The following CHD2 variants were observed in gnomAD, a reference collection of about 807,000 sequenced individuals.
CHD2 encodes ATP-dependent chromatin remodeler CHD2.
CHD2 carries 28 observed loss-of-function variants against 243.9 expected under a neutral mutation model. The observed-to-expected ratio is 0.11, with a 90% CI of 0.09 to 0.16. CHD2 has a LOEUF of 0.16. Among genes scored for constraint, CHD2 ranks in the 10% least tolerant of loss-of-function variants. The pLI, the probability that CHD2 is intolerant of heterozygous loss-of-function variation, is 1.00. For synonymous variants in CHD2, 775 were observed against 779.0 expected, an observed-to-expected ratio of 0.99 and a Z score of 0.09; for missense variants, 1,386 against 2,209.8, an observed-to-expected ratio of 0.63 and a Z score of 7.47.
In CHD2 at chr15:93,026,248, T is replaced by C. The variant is rs1346289095; in HGVS notation, c.*1543T>C. 1 of 152,646 alleles carries C rather than the reference T, an allele frequency of 6.6e-6. No individual in the cohort carries two copies. The highest frequency in any genetic ancestry group is 6.5e-5 in the Admixed American group (1 of 15,280). 9.5% of individuals were successfully genotyped at this position (152,646 alleles called of 1,614,324 possible). A position where few individuals can be genotyped will look rare whatever the true frequency, so the allele number is the denominator to read the frequency against. Reference sequence around the variant, plus strand: ...TGTAAGTGTCCAGGCTCAGAGCTGGTGAAAACCCTTCTGTTGGGCGTGTGC... The same window carrying C: ...TGTAAGTGTCCAGGCTCAGAGCTGGCGAAAACCCTTCTGTTGGGCGTGTGC... On this transcript the variant is annotated 3_prime_UTR_variant, in exon 39 of 39. Transcript: ENST00000394196.
chr15:92,948,384 A>G (rs1380975275), intron 12 of CHD2, among the ~76,000 whole-genome samples: 1 of 152,174 alleles, frequency 6.6e-6, no homozygotes, highest in East Asian at 1.9e-4. Flanking sequence ...AATAGACAAG[A>G]CCTAAAGTGC....
chr15:93,020,117 A>G lies in CHD2; in HGVS notation c.5012A>G (p.Lys1671Arg). The G allele has an allele frequency of 6.2e-7, 1 of 1,614,162 alleles. No individual in the cohort carries two copies. Among genetic ancestry groups the G allele is most frequent in the Non-Finnish European group, 8.5e-7 (1 of 1,180,026 alleles). The change falls in exon 38 of 39, where the codon AAG becomes AGG. Residue 1671 changes from lysine (K) to arginine (R), a missense_variant. Lys to Arg is a conservative substitution (Grantham distance 26). Transcript: ENST00000394196. Reference sequence around the variant, plus strand: ...CATCAGTATGAGCAGCACTGGTACAAGGACCACCATTATGGGGACCGGCGA... The same window carrying G: ...CATCAGTATGAGCAGCACTGGTACAGGGACCACCATTATGGGGACCGGCGA... ...RHHQYEQHWY[K>R]DHHYGDRRHM...
Position 93,025,591 on chromosome 15 carries a change from G to C in CHD2, c.*886G>C, listed in dbSNP as rs2054580486. ...GGGGAGTAGTGTGGCCAGGGAACTG[G>C]AATCCCTGGTGGATTTCTGATTCCT... On this transcript the variant is annotated 3_prime_UTR_variant, in exon 39 of 39. Transcript: ENST00000394196. The C allele has an allele frequency of 6.6e-6, 1 of 152,668 alleles. No individual in the cohort carries two copies. The highest frequency in any genetic ancestry group is 1.5e-5 in the Non-Finnish European group (1 of 68,108). 9.5% of individuals were successfully genotyped at this position (152,668 alleles called of 1,614,324 possible).
Position 93,007,207 on chromosome 15 carries a change from G to A in CHD2, c.4414-1938G>A, listed in dbSNP as rs376810284. On this transcript the variant is annotated intron_variant, in intron 34 of 38. Transcript: ENST00000394196. Reference sequence around the variant, plus strand: ...TTGCTGACCAGCCTTAGAAACAGTTGTTAATTTCTGACTCAGTTAACAGTT... The same window carrying A: ...TTGCTGACCAGCCTTAGAAACAGTTATTAATTTCTGACTCAGTTAACAGTT... 5.9e-5 allele frequency among the ~76,000 whole-genome samples: 9 copies of A among 152,150 alleles called. No homozygotes were observed. In the East Asian group the frequency reaches 1.5e-3, roughly 26 times the overall value.
At chr15:92,905,104 A>G (rs768149555) in intron 2 of CHD2, 166 of 1,074,932 alleles carry the variant, frequency 1.5e-4, no homozygotes, top group Non-Finnish European at 2.1e-4. Flanking sequence ...AAAAAGTGGC[A>G]GAATACAGCG....
intron 16 of CHD2, among the ~76,000 whole-genome samples, chr15:92,959,003 G>A (rs2053651446): frequency 6.6e-6 from 1 of 152,170 alleles, no homozygotes; most frequent in African/African-American, 2.4e-5. Flanking sequence ...AGGAGCATCT[G>A]TATATAATTT....
chr15:92,976,435 G>A (rs1438249079), intron 20 of CHD2, among the ~76,000 whole-genome samples: 1 of 152,102 alleles, frequency 6.6e-6, no homozygotes. Context: ...TCTTTGGGGT[G>A]TATTTCCATT....
At chr15:93,002,348 C>T (rs750758338) in intron 33 of CHD2, 31 bp downstream of exon 33, 1 of 1,573,288 alleles carries the variant, frequency 6.4e-7, no homozygotes, top group Non-Finnish European at 8.6e-7. Flanking sequence ...ATGCAGATAT[C>T]CACAGCCTTT....
chr15:92,994,771 C>T lies in CHD2; in HGVS notation c.3595+1773C>T, dbSNP rs1012160069. On this transcript the variant is annotated intron_variant, in intron 28 of 38. Transcript: ENST00000394196. ...CTTTTCTGTGCTTGCTTTTTTATCT[C>T]ATAGTATCTTGTGGAGCTGTTTTCT... Among the ~76,000 whole-genome samples the T allele has an allele frequency of 2.6e-5, 4 of 152,202 alleles. No homozygotes were observed. The South Asian group carries it at 6.2e-4, about 24-fold the overall frequency.
chr15:92,930,049 G>T (rs979635011), intron 5 of CHD2, among the ~76,000 whole-genome samples: 1 of 152,110 alleles, frequency 6.6e-6, no homozygotes, highest in African/African-American at 2.4e-5. Flanking sequence ...CTGCTAGAGC[G>T]CATTCAGTTT....
At chr15:93,019,902 C>A (rs1037070444) in intron 37 of CHD2, 110 bp from the exon 38 acceptor site, 2 of 1,345,402 alleles carry the variant, frequency 1.5e-6, no homozygotes, top group African/African-American at 3.0e-5. Flanking sequence ...CACTGCACTC[C>A]AGCCTGGGCA....
intron 34 of CHD2, 102 bp downstream of exon 34, chr15:93,004,853 A>G (rs2054300204): frequency 1.6e-6 from 2 of 1,220,070 alleles, no homozygotes; most frequent in Non-Finnish European, 2.3e-6. Flanking sequence ...GCTAAGCAAT[A>G]GTACATTACT....
chr15:92,978,222 C>T lies in CHD2; in HGVS notation c.2578-12C>T. 2 of 1,614,058 alleles carry T rather than the reference C, an allele frequency of 1.2e-6. No homozygotes were observed. Among genetic ancestry groups the T allele is most frequent in the Non-Finnish European group, 8.5e-7 (1 of 1,179,996 alleles). On this transcript the variant is annotated splice_polypyrimidine_tract_variant and intron_variant, in intron 20 of 38. Coordinates refer to ENST00000394196, the MANE Select transcript of CHD2 (RefSeq NM_001271.4). Reference sequence around the variant, plus strand: ...GGCCACTGCATAAAGTAGTATATTGCATTGTGTACAGGACTTCTGTTTCCT... The same window carrying T: ...GGCCACTGCATAAAGTAGTATATTGTATTGTGTACAGGACTTCTGTTTCCT...
At chr15:92,945,796 T>G in intron 10 of CHD2, 25 bp from the exon 11 acceptor site, 1 of 1,487,682 alleles carries the variant, frequency 6.7e-7, no homozygotes, top group Non-Finnish European at 9.2e-7. Context: ...TTATAACTTT[T>G]CTGTCTTATT....
At chr15:93,024,121 A>T (rs1191372709) in intron 38 of CHD2, among the ~76,000 whole-genome samples, 1 of 151,024 alleles carries the variant, frequency 6.6e-6, no homozygotes, top group South Asian at 2.1e-4. Context: ...TCCTAAAGGG[A>T]GTGAGTTTGC....
chr15:93,020,174 G>A lies in CHD2; in HGVS notation c.5069G>A (p.Arg1690Gln), dbSNP rs564787975. Reference sequence around the variant, plus strand: ...GATGCCCACCGTTCCGGAAGCTATCGACCCAACAACATGTCCAGAAAGAGG... The same window carrying A: ...GATGCCCACCGTTCCGGAAGCTATCAACCCAACAACATGTCCAGAAAGAGG... Reference protein sequence around the residue: ...HMDAHRSGSYRPNNMSRKRPY... With the variant: ...HMDAHRSGSYQPNNMSRKRPY... Residue 1690 changes from arginine to glutamine, a missense_variant, in exon 38 of 39, where the codon CGA (arginine) becomes CAA (glutamine). Physicochemically the swap from Arg to Gln is conservative, Grantham distance 43. Coordinates refer to ENST00000394196, the MANE Select transcript of CHD2 (RefSeq NM_001271.4). 24 of 1,614,014 alleles carry A rather than the reference G, an allele frequency of 1.5e-5. No homozygotes were observed. Among genetic ancestry groups the A allele is most frequent in the South Asian group, 3.3e-5 (3 of 91,068 alleles).
chr15:92,997,351 A>T lies in CHD2; in HGVS notation c.3833A>T (p.Tyr1278Phe). The change falls in exon 30 of 39, where the codon TAT (tyrosine) becomes TTT (phenylalanine). Residue 1278 changes from tyrosine (Y) to phenylalanine (F), a missense_variant. Coordinates refer to ENST00000394196, the MANE Select transcript of CHD2 (RefSeq NM_001271.4). This position sits in a 1 kb window ranked among gnomAD's most constrained non-coding sequence, Gnocchi z 4.1. ...RLLLGIYEHG[Y>F]GNWELIKTDP... ...TTGCTGGGGATTTATGAACATGGCT[A>T]TGGAAACTGGGAGTTAATTAAAACA... 6.2e-7 allele frequency: 1 copy of T among 1,612,452 alleles called. No homozygotes were observed. Among genetic ancestry groups the T allele is most frequent in the Admixed American group, 1.7e-5 (1 of 59,476 alleles).
In CHD2 at chr15:92,939,730, C is replaced by G. The variant is rs1235036620; in HGVS notation, c.692+12C>G. The G allele has an allele frequency of 1.2e-6, 2 of 1,610,986 alleles. No homozygotes were observed. The highest frequency in any genetic ancestry group is 1.7e-5 in the Admixed American group (1 of 59,638). On this transcript the variant is annotated intron_variant, in intron 7 of 38. Coordinates refer to ENST00000394196, the MANE Select transcript of CHD2 (RefSeq NM_001271.4). ...GCTAAAAACGTTAGGTAAGTTGTAC[C>G]CCAGAAGTGTTTCACTGGTGTGATG...
At chr15:92,976,407 C>T (rs2053908913) in intron 20 of CHD2, among the ~76,000 whole-genome samples, 1 of 152,120 alleles carries the variant, frequency 6.6e-6, no homozygotes, top group Admixed American at 6.6e-5. Flanking sequence ...TCATTCTAGA[C>T]ACAACTTGCT....
Sources: allele counts gnomAD v4.1 joint callset (sites outside exome capture counted in the v4.1 genomes callset), GRCh38; gene constraint gnomAD v4.1.1; non-coding constraint Gnocchi (gnomAD v3.1); transcripts MANE v1.5; gene names NCBI Gene and HGNC (gene_info 2026-07-23, HGNC 2026-07-21).